Variants in EHHADH observed in about 807,000 individuals in gnomAD.
The protein encoded by EHHADH is peroxisomal bifunctional enzyme.
A neutral mutation model predicts 64.4 loss-of-function variants in EHHADH; 48 were observed. That is an observed-to-expected ratio of 0.75 (90% confidence interval 0.59 to 0.95). EHHADH has a LOEUF of 0.95. Among genes scored for constraint, EHHADH ranks in the 40% least tolerant of loss-of-function variants. The pLI is 0.00. For synonymous variants in EHHADH, 308 were observed against 326.7 expected (o/e 0.94, Z 0.62); for missense variants, 854 against 876.6 (o/e 0.97, Z 0.33).
chr3:185,199,731 TTTTTG>T (rs1258150377), intron 6 of EHHADH, among the ~76,000 whole-genome samples: 1 of 152,056 alleles, frequency 6.6e-6, no homozygotes, highest in Non-Finnish European at 1.5e-5. Context: ...TATGGCTGGG[TTTTTG>T]TTTTGTTTTG....
chr3:185,248,176 T>A (rs575499453), intron 2 of EHHADH: 2 of 454,772 alleles, frequency 4.4e-6, no homozygotes, highest in South Asian at 7.5e-5. Flanking sequence ...ATAACAGCCA[T>A]CAAGTCTGGA....
intron 5 of EHHADH, among the ~76,000 whole-genome samples, chr3:185,213,558 C>T (rs758068199): frequency 1.3e-4 from 20 of 152,168 alleles, no homozygotes; most frequent in Middle Eastern, 3.4e-3. Context: ...TTTTGTTCTG[C>T]TAAATGACCA....
chr3:185,235,178 T>TA, intron 3 of EHHADH, 112 bp downstream of exon 3: 1 of 1,130,644 alleles, frequency 8.8e-7, no homozygotes, highest in Admixed American at 2.8e-5. Context: ...AGACTCCATC[T>TA]CAAAAAAACA....
intron 3 of EHHADH, 79 bp downstream of exon 3, chr3:185,235,211 G>A: frequency 7.6e-7 from 1 of 1,320,992 alleles, no homozygotes; most frequent in Non-Finnish European, 1.0e-6. Context: ...AATCACCGCT[G>A]ATACTTATGA....
intron 5 of EHHADH, among the ~76,000 whole-genome samples, chr3:185,217,645 T>TAA (rs1718720168): frequency 6.6e-6 from 1 of 151,532 alleles, no homozygotes; most frequent in African/African-American, 2.4e-5. Context: ...CAACCACGGG[T>TAA]AAAAGCTCTG....
intron 5 of EHHADH, among the ~76,000 whole-genome samples, chr3:185,206,399 A>T (rs977146534): frequency 4.6e-5 from 7 of 152,170 alleles, no homozygotes; most frequent in African/African-American, 1.4e-4. Context: ...AAGAAAATAT[A>T]AAAAAATTTT....
chr3:185,192,172 A>G lies in EHHADH; in HGVS notation c.*54T>C, dbSNP rs2108621493. 3 of 1,517,046 alleles carry G rather than the reference A, an allele frequency of 2.0e-6. 1 individual carries two copies. The highest frequency in any genetic ancestry group is 2.6e-5 in the South Asian group (2 of 77,462). 94.0% of individuals were successfully genotyped at this position (1,517,046 alleles called of 1,614,324 possible). On this transcript the variant is annotated 3_prime_UTR_variant, in exon 7 of 7. Coordinates refer to ENST00000231887, the MANE Select transcript of EHHADH (RefSeq NM_001966.4). ...GGATTTTTGATTTAATTTCACTGAA[A>G]TTCAGTCAGCATTACCTGATGCTAG...
intron 1 of EHHADH, among the ~76,000 whole-genome samples, chr3:185,251,199 G>T (rs1426308320): frequency 8.8e-6 from 1 of 113,428 alleles, no homozygotes; most frequent in Non-Finnish European, 2.1e-5. Context: ...TTTGACTATA[G>T]AAGGTCTTTC....
intron 2 of EHHADH, chr3:185,245,463 G>A (rs1577377373): frequency 1.0e-6 from 1 of 955,278 alleles, no homozygotes; most frequent in East Asian, 2.8e-5. Flanking sequence ...TAGCAAATTA[G>A]TTAGCTTTGG....
chr3:185,196,170 C>G (rs557768507), intron 6 of EHHADH, among the ~76,000 whole-genome samples: 3 of 152,140 alleles, frequency 2.0e-5, no homozygotes, highest in Non-Finnish European at 4.4e-5. Context: ...AAAATGAAAT[C>G]TATTAATTTA....
In EHHADH at chr3:185,192,001, C is replaced by T. The variant is rs531740042; in HGVS notation, c.*225G>A. On this transcript the variant is annotated 3_prime_UTR_variant, in exon 7 of 7. Coordinates refer to ENST00000231887, the MANE Select transcript of EHHADH (RefSeq NM_001966.4). ...ATTAGCTATTATGGTATTATATTCA[C>T]ACAAGTTCATGCATTGAATTTATCT... 1.4e-3 allele frequency: 751 copies of T among 538,366 alleles called. No individual in the cohort carries two copies. The highest frequency in any genetic ancestry group is 2.4e-3 in the Middle Eastern group (5 of 2,084). The allele number at this position is 538,366 out of a possible 1,614,324, so 33.3% of individuals were successfully genotyped here.
At chr3:185,203,272 A>C (rs891305970) in intron 6 of EHHADH, among the ~76,000 whole-genome samples, 1 of 152,148 alleles carries the variant, frequency 6.6e-6, no homozygotes, top group African/African-American at 2.4e-5. Flanking sequence ...TAAAACAAAT[A>C]TAGTAAAACG....
intron 1 of EHHADH, among the ~76,000 whole-genome samples, chr3:185,251,497 G>T (rs1295086520): frequency 6.6e-6 from 1 of 152,180 alleles, no homozygotes; most frequent in East Asian, 1.9e-4. Context: ...TATTAATCAG[G>T]CATGTCCTAT....
intron 4 of EHHADH, among the ~76,000 whole-genome samples, chr3:185,223,953 G>A (rs568276185): frequency 4.6e-5 from 7 of 152,268 alleles, no homozygotes; most frequent in Middle Eastern, 3.4e-3. Context: ...CTAAAGATTC[G>A]TTCATTTTCA....
chr3:185,241,877 C>T (rs953101399), intron 2 of EHHADH, among the ~76,000 whole-genome samples: 1 of 152,104 alleles, frequency 6.6e-6, no homozygotes, highest in African/African-American at 2.4e-5. Context: ...TTGCCTAAGC[C>T]AATGTCTAGA....
chr3:185,210,827 A>G (rs1577360116), intron 5 of EHHADH, among the ~76,000 whole-genome samples: 1 of 152,168 alleles, frequency 6.6e-6, no homozygotes, highest in South Asian at 2.1e-4. Flanking sequence ...AAAAGATGGG[A>G]AAAAAAGAGA....
intron 2 of EHHADH, chr3:185,246,028 T>TA: frequency 7.5e-7 from 1 of 1,326,394 alleles, no homozygotes; most frequent in Non-Finnish European, 1.1e-6. Context: ...CATCTTTCTC[T>TA]AGTAGTTCAT....
intron 4 of EHHADH, 115 bp from the exon 5 acceptor site, chr3:185,218,355 T>C: frequency 1.7e-6 from 1 of 587,094 alleles, no homozygotes; most frequent in Non-Finnish European, 2.8e-6. Context: ...ATATCTATTA[T>C]TGAATAAAAT....
chr3:185,239,544 T>C lies in EHHADH; in HGVS notation c.179-4082A>G, dbSNP rs188336138. Among the ~76,000 whole-genome samples the C allele has an allele frequency of 4.8e-3, 735 of 152,280 alleles. 10 individuals are homozygous for C. Among genetic ancestry groups the C allele is most frequent in the African/African-American group, 0.016 (680 of 41,572 alleles). ...TAGGTATTTTATTTTTTTGTGGCTA[T>C]TGTAAATGGGACTGAGTTTTTGATT... On this transcript the variant is annotated intron_variant, in intron 2 of 6. Coordinates refer to ENST00000231887, the MANE Select transcript of EHHADH (RefSeq NM_001966.4).
Sources: gnomAD v4.1 joint callset for allele counts (sites outside exome capture counted in the v4.1 genomes callset) on GRCh38, gnomAD v4.1.1 for gene constraint, MANE v1.5 for transcripts, NCBI Gene and HGNC (gene_info 2026-07-23, HGNC 2026-07-21) for gene names.